UBAP2: variants seen among roughly 807,000 people sequenced by gnomAD.
UBAP2 encodes ubiquitin associated protein 2.
A neutral mutation model predicts 139.6 loss-of-function variants in UBAP2; 75 were observed. The ratio of observed to expected loss-of-function variants is 0.54; its 90% CI spans 0.45 to 0.65. The LOEUF (loss-of-function observed/expected upper bound fraction) is 0.65, where lower values mean the gene tolerates loss of function less well. UBAP2 is among the 30% of genes least tolerant of loss of function. The pLI is 0.00. For missense variants in UBAP2, 1,368 were observed against 1,369.6 expected (o/e 1.00, Z 0.02); for synonymous variants, 526 against 526.2 (o/e 1.00, Z 0.01).
chr9:33,923,849 A>AC lies in UBAP2; in HGVS notation c.2741dup (p.Leu915SerfsTer54). 1 of 1,614,160 alleles carries AC rather than the reference A, an allele frequency of 6.2e-7. No homozygotes were observed. Among genetic ancestry groups the AC allele is most frequent in the Non-Finnish European group, 8.5e-7 (1 of 1,180,016 alleles). On this transcript the variant is annotated frameshift_variant, in exon 24 of 29. Coordinates refer to ENST00000379238, the MANE Select transcript of UBAP2 (RefSeq NM_001370062.2). LOFTEE classifies it high-confidence loss of function. ...TGGGCATGCCTGTGTAGTAGGGAAG[A>AC]CCAGTGTAGCTATAGCCAGGTGGCA... is the stretch of plus-strand genomic sequence containing the variant.
intron 2 of UBAP2, among the ~76,000 whole-genome samples, chr9:34,004,508 C>T (rs1230506864): frequency 6.6e-6 from 1 of 151,568 alleles, no homozygotes; most frequent in Non-Finnish European, 1.5e-5. Context: ...AAAGGCTGGG[C>T]GCAGTGGCTC....
intron 4 of UBAP2, among the ~76,000 whole-genome samples, chr9:33,990,680 G>A (rs945898061): frequency 3.0e-5 from 4 of 131,952 alleles, no homozygotes; most frequent in Non-Finnish European, 6.2e-5. Flanking sequence ...CTGTCACCCA[G>A]AGTGGAGTGC....
chr9:33,970,634 A>G (rs941806154), intron 8 of UBAP2, among the ~76,000 whole-genome samples: 1 of 152,052 alleles, frequency 6.6e-6, no homozygotes, highest in Non-Finnish European at 1.5e-5. Flanking sequence ...AGGTCTTACT[A>G]TGTTAACCAG....
Position 33,933,630 on chromosome 9 carries a change from T to C in UBAP2, c.1970-2A>G. On this transcript the variant is annotated splice_acceptor_variant, in intron 17 of 28. Transcript: ENST00000379238. LOFTEE classifies it high-confidence loss of function. Reference sequence around the variant, plus strand: ...AGGGAGGGCCTGTTGTCTTTGGAGCTGGAACAGATGAAGTAGCTGTAAGAA... The same window carrying C: ...AGGGAGGGCCTGTTGTCTTTGGAGCCGGAACAGATGAAGTAGCTGTAAGAA... 1 of 1,613,568 alleles carries C rather than the reference T, an allele frequency of 6.2e-7. No homozygotes were observed. The highest frequency in any genetic ancestry group is 8.5e-7 in the Non-Finnish European group (1 of 1,179,892).
intron 1 of UBAP2, among the ~76,000 whole-genome samples, chr9:34,033,609 A>T (rs1826071861): frequency 6.6e-6 from 1 of 151,368 alleles, no homozygotes; most frequent in African/African-American, 2.4e-5. Context: ...ACAGGGTCTG[A>T]CTCTTTCGCC....
At chr9:34,004,202 C>T (rs1822975701) in intron 2 of UBAP2, among the ~76,000 whole-genome samples, 1 of 152,102 alleles carries the variant, frequency 6.6e-6, no homozygotes, top group African/African-American at 2.4e-5. Context: ...TTTCCCAAAA[C>T]GGGCATAATG....
At chr9:33,942,517 C>G (rs936368964) in intron 15 of UBAP2, among the ~76,000 whole-genome samples, 20 of 151,946 alleles carry the variant, frequency 1.3e-4, no homozygotes, top group African/African-American at 4.8e-4. Flanking sequence ...TCATTGAGCT[C>G]CAGAGTTTGA....
intron 1 of UBAP2, among the ~76,000 whole-genome samples, chr9:34,021,364 T>C (rs563207473): frequency 3.1e-4 from 47 of 152,336 alleles, no homozygotes; most frequent in African/African-American, 1.1e-3. Context: ...GGTTTAAAAC[T>C]TTTTACTGCA....
At chr9:33,949,989 A>G (rs944351390) in intron 12 of UBAP2, among the ~76,000 whole-genome samples, 1 of 152,236 alleles carries the variant, frequency 6.6e-6, no homozygotes, top group Non-Finnish European at 1.5e-5. Flanking sequence ...TAGAAAAGAC[A>G]ATGGAAGATC....
chr9:34,009,287 T>C (rs947654977), intron 2 of UBAP2, among the ~76,000 whole-genome samples: 2 of 151,930 alleles, frequency 1.3e-5, no homozygotes, highest in Non-Finnish European at 2.9e-5. Flanking sequence ...TTAGTAGAGA[T>C]GGGGTTTTGT....
chr9:33,944,307 A>G (rs1825476261), intron 14 of UBAP2, 58 bp downstream of exon 14: 15 of 1,589,992 alleles, frequency 9.4e-6, no homozygotes, highest in Non-Finnish European at 1.3e-5. Context: ...ATCCCACTAG[A>G]GCTGAATGTA....
rs574434313 is a variant in UBAP2 at position 34,038,519 on chromosome 9, G to A, written c.-42+10306C>T. 6.6e-4 allele frequency among the ~76,000 whole-genome samples: 101 copies of A among 152,326 alleles called. 1 individual carries two copies. The South Asian group carries it at 0.02, about 30-fold the overall frequency. ...GGGCTGGTCTCCAGCTGCTAACCGC[G>A]AGTGATCTGCCAGCCTAGGCCTCCT... On this transcript the variant is annotated intron_variant, in intron 1 of 28. Transcript: ENST00000379238.
At chr9:33,999,229 G>A (rs1344390435) in intron 2 of UBAP2, among the ~76,000 whole-genome samples, 1 of 151,880 alleles carries the variant, frequency 6.6e-6, no homozygotes, top group East Asian at 1.9e-4. Flanking sequence ...CATGCCTTTG[G>A]GAAGCCAAGG....
chr9:33,978,120 T>C (rs1417925944), intron 6 of UBAP2, among the ~76,000 whole-genome samples: 3 of 151,842 alleles, frequency 2.0e-5, no homozygotes, highest in African/African-American at 7.3e-5. Context: ...AATGGCATTA[T>C]ATAATTACAG....
intron 2 of UBAP2, among the ~76,000 whole-genome samples, chr9:34,012,424 G>A (rs1221231272): frequency 1.3e-5 from 2 of 151,936 alleles, no homozygotes; most frequent in Admixed American, 6.6e-5. Context: ...CCAGCTACTC[G>A]GGAGGCTGAG....
chr9:33,932,404 A>T (rs187710498), intron 19 of UBAP2, among the ~76,000 whole-genome samples, 158 bp downstream of exon 19: 38 of 152,328 alleles, frequency 2.5e-4, no homozygotes, highest in Admixed American at 9.8e-4. Context: ...GTGCCCAGGA[A>T]ATCAGAAGCT....
At chr9:33,937,775 A>C (rs1296187063) in intron 16 of UBAP2, among the ~76,000 whole-genome samples, 2 of 145,636 alleles carry the variant, frequency 1.4e-5, no homozygotes, top group African/African-American at 5.1e-5. Context: ...AAAAAAAATT[A>C]GCCAGGTGTG....
intron 6 of UBAP2, among the ~76,000 whole-genome samples, chr9:33,979,362 A>G (rs1482432386): frequency 6.6e-6 from 1 of 152,220 alleles, no homozygotes; most frequent in Non-Finnish European, 1.5e-5. Context: ...AAAGAAGAGT[A>G]ATTTAAATAC....
At chr9:33,960,403 C>T (rs1210424557) in intron 10 of UBAP2, among the ~76,000 whole-genome samples, 1 of 152,110 alleles carries the variant, frequency 6.6e-6, no homozygotes. Context: ...CGATACATGC[C>T]AGAAAAGAAG....
Sources: gnomAD v4.1 joint callset for allele counts (sites outside exome capture counted in the v4.1 genomes callset) on GRCh38, gnomAD v4.1.1 for gene constraint, MANE v1.5 for transcripts, NCBI Gene and HGNC (gene_info 2026-07-23, HGNC 2026-07-21) for gene names.